MYO5A: variants seen among roughly 807,000 people sequenced by gnomAD.
MYO5A encodes the protein myosin VA.
A neutral mutation model predicts 249.7 loss-of-function variants in MYO5A; 98 were observed. That is an observed-to-expected ratio of 0.39 (90% CI 0.33 to 0.46). MYO5A has a LOEUF of 0.46. Ranked by LOEUF, MYO5A falls within the 20% of genes least tolerant of loss-of-function variation. MYO5A has a pLI of 0.98. For missense variants in MYO5A, 1,696 were observed against 2,308.8 expected (o/e 0.73, Z 5.44); for synonymous variants, 778 against 810.6 (o/e 0.96, Z 0.68).
chr15:52,419,720 A>G (rs1435535227), intron 4 of MYO5A, among the ~76,000 whole-genome samples: 1 of 152,190 alleles, frequency 6.6e-6, no homozygotes, highest in Non-Finnish European at 1.5e-5. Context: ...AGCCTGTCAC[A>G]TGGCTATCAG....
intron 1 of MYO5A, among the ~76,000 whole-genome samples, chr15:52,509,587 T>C (rs924626050): frequency 1.3e-5 from 2 of 152,254 alleles, no homozygotes; most frequent in South Asian, 2.1e-4. Flanking sequence ...CCCATACTTG[T>C]AACACACAAA....
chr15:52,364,451 TG>T (rs2040708228), intron 24 of MYO5A, 102 bp downstream of exon 24: 2 of 1,067,306 alleles, frequency 1.9e-6, no homozygotes, highest in Non-Finnish European at 2.7e-6. Context: ...TGGAACTGGG[TG>T]GTAGGTACAC....
rs187052971 is a variant in MYO5A at position 52,465,128 on chromosome 15, A to T, written c.28-31843T>A. On this transcript the variant is annotated intron_variant, in intron 1 of 41. Transcript: ENST00000399233. ...GCCTTGGTAGTAAGGTCAGGGCAAGATTATTACGGAATTCTATAATGAGCT... is the reference window on the plus strand; with the variant it reads ...GCCTTGGTAGTAAGGTCAGGGCAAGTTTATTACGGAATTCTATAATGAGCT... Among the ~76,000 whole-genome samples the T allele has an allele frequency of 1.5e-4, 23 of 152,306 alleles. No homozygotes were observed. The East Asian group carries it at 4.2e-3, about 28-fold the overall frequency.
chr15:52,363,964 C>T (rs1388750647), intron 24 of MYO5A, among the ~76,000 whole-genome samples: 2 of 152,132 alleles, frequency 1.3e-5, no homozygotes, highest in African/African-American at 2.4e-5. Flanking sequence ...ACTGGCCGGG[C>T]GCAATGGCTC....
At chr15:52,417,552 G>A (rs988036617) in intron 4 of MYO5A, among the ~76,000 whole-genome samples, 1 of 152,182 alleles carries the variant, frequency 6.6e-6, no homozygotes, top group East Asian at 1.9e-4. Flanking sequence ...GTTGTGGTTT[G>A]AATGTTCTCT....
At chr15:52,386,339 G>A (rs375128455) in intron 14 of MYO5A, among the ~76,000 whole-genome samples, 2 of 123,374 alleles carry the variant, frequency 1.6e-5, no homozygotes, top group African/African-American at 5.6e-5. Flanking sequence ...AACAACAACA[G>A]CAAGAATCAG....
chr15:52,497,899 T>C (rs929878601), intron 1 of MYO5A, among the ~76,000 whole-genome samples: 6 of 151,106 alleles, frequency 4.0e-5, no homozygotes, highest in Non-Finnish European at 7.4e-5. Context: ...AATAAATAAA[T>C]GAAAAATAAT....
rs564044260 is a variant in MYO5A at position 52,473,994 on chromosome 15, T to A, written c.28-40709A>T. On this transcript the variant is annotated intron_variant, in intron 1 of 41. Coordinates refer to ENST00000399233, the MANE Select transcript of MYO5A (RefSeq NM_001382347.1). Reference sequence around the variant, plus strand: ...AAATTACCTTGGGCAGTATGGCCATTTTCACGATATTGATTCTTCCTATCC... The same window carrying A: ...AAATTACCTTGGGCAGTATGGCCATATTCACGATATTGATTCTTCCTATCC... 9.9e-3 allele frequency among the ~76,000 whole-genome samples: 1,513 copies of A among 152,296 alleles called. 38 individuals are homozygous for A. The highest frequency in any genetic ancestry group is 9.0e-3 in the Non-Finnish European group (614 of 68,016).
At chr15:52,359,417 A>T (rs2040410135) in intron 25 of MYO5A, among the ~76,000 whole-genome samples, 1 of 152,216 alleles carries the variant, frequency 6.6e-6, no homozygotes. Flanking sequence ...CACAAAACAC[A>T]AAACATTAAA....
rs2037683439 is a variant in MYO5A at position 52,308,452 on chromosome 15, CCCTTTA to C, written c.*5238_*5243del. The C allele has an allele frequency of 6.6e-6, 1 of 152,302 alleles. No homozygotes were observed. Among genetic ancestry groups the C allele is most frequent in the Middle Eastern group, 3.4e-3 (1 of 294 alleles). 9.4% of individuals were successfully genotyped at this position (152,302 alleles called of 1,614,324 possible). A position where few individuals can be genotyped will look rare whatever the true frequency, so the allele number is the denominator to read the frequency against. The stretch of plus-strand genomic sequence containing the variant: ...ATGTCCACAAAAAGTTTGAGTTATA[CCCTTTA>C]CCTTTAGTAACAAAAGGTTAGTAGA... On this transcript the variant is annotated 3_prime_UTR_variant, in exon 42 of 42. Coordinates refer to ENST00000399233, the MANE Select transcript of MYO5A (RefSeq NM_001382347.1).
intron 35 of MYO5A, among the ~76,000 whole-genome samples, chr15:52,328,424 C>T (rs1406299303): frequency 1.3e-5 from 2 of 152,162 alleles, no homozygotes; most frequent in Non-Finnish European, 2.9e-5. Context: ...TCATTTTTGA[C>T]TCCTTTCTTT....
intron 13 of MYO5A, 106 bp from the exon 14 acceptor site, chr15:52,388,018 T>A: frequency 1.2e-6 from 1 of 824,458 alleles, no homozygotes; most frequent in East Asian, 2.7e-5. Context: ...CGATCAACTC[T>A]CAGCAAACTG....
At chr15:52,387,346 T>C (rs1009937780) in intron 14 of MYO5A, among the ~76,000 whole-genome samples, 7 of 152,224 alleles carry the variant, frequency 4.6e-5, no homozygotes, top group Admixed American at 3.3e-4. Flanking sequence ...TCAGTGATGA[T>C]CCAGAGATCA....
chr15:52,373,991 C>T (rs184026411), intron 20 of MYO5A, among the ~76,000 whole-genome samples: 95 of 139,194 alleles, frequency 6.8e-4, no homozygotes, highest in African/African-American at 2.2e-3. Context: ...ATAAATAGGG[C>T]CTAGGTCACA....
chr15:52,480,435 T>C (rs1304233884), intron 1 of MYO5A, among the ~76,000 whole-genome samples: 1 of 152,214 alleles, frequency 6.6e-6, no homozygotes, highest in Non-Finnish European at 1.5e-5. Context: ...AAAGATGATC[T>C]GGTCCAAACA....
intron 25 of MYO5A, 140 bp downstream of exon 25, chr15:52,359,828 A>G (rs1171050224): frequency 2.2e-5 from 15 of 687,678 alleles, no homozygotes; most frequent in African/African-American, 1.4e-4. Context: ...GTTTGTATCT[A>G]CAAGTCACTT....
In MYO5A at chr15:52,487,138, C is replaced by T. The variant is rs754454584; in HGVS notation, c.27+41642G>A. 4.6e-5 allele frequency among the ~76,000 whole-genome samples: 7 copies of T among 152,096 alleles called. No homozygotes were observed. In the East Asian group the frequency reaches 5.8e-4, roughly 13 times the overall value. ...ACTGTGCTAAAATGGGTACTAGGGC[C>T]GAAGCAGCAGCTCACTCTTGTAATG... On this transcript the variant is annotated intron_variant, in intron 1 of 41. Coordinates refer to ENST00000399233, the MANE Select transcript of MYO5A (RefSeq NM_001382347.1).
intron 41 of MYO5A, 116 bp downstream of exon 41, chr15:52,314,007 G>T: frequency 7.8e-7 from 1 of 1,284,782 alleles, no homozygotes; most frequent in Non-Finnish European, 1.1e-6. Context: ...TATCAAAAAA[G>T]TTAGTGCATT....
chr15:52,436,728 AAAG>A (rs1264316968), intron 1 of MYO5A, among the ~76,000 whole-genome samples: 3 of 152,252 alleles, frequency 2.0e-5, no homozygotes, highest in Non-Finnish European at 2.9e-5. Flanking sequence ...GAACTTATCG[AAAG>A]AAGATCAGAA....
Sources: allele counts gnomAD v4.1 joint callset (sites outside exome capture counted in the v4.1 genomes callset), GRCh38; gene constraint gnomAD v4.1.1; transcripts MANE v1.5; gene names NCBI Gene and HGNC (gene_info 2026-07-23, HGNC 2026-07-21).